PTDSS2: variants seen among roughly 807,000 people sequenced by gnomAD.
The protein encoded by PTDSS2 is phosphatidylserine synthase 2.
In PTDSS2, 41 loss-of-function variants were observed where a neutral mutation model predicts 64.7. That is an observed-to-expected ratio of 0.63 (90% CI 0.49 to 0.82). The LOEUF (loss-of-function observed/expected upper bound fraction) is 0.82. Ranked by LOEUF, PTDSS2 falls within the 40% of genes least tolerant of loss-of-function variation. PTDSS2 has a pLI of 0.00. For synonymous variants in PTDSS2, 297 were observed against 277.8 expected, an observed-to-expected ratio of 1.07 and a Z score of -0.69; for missense variants, 485 against 650.0, an observed-to-expected ratio of 0.75 and a Z score of 2.76.
upstream of PTDSS2, among the ~76,000 whole-genome samples, chr11:449,279 G>A (rs1347287125): frequency 6.6e-6 from 1 of 152,202 alleles, no homozygotes; most frequent in African/African-American, 2.4e-5. Flanking sequence ...CTTTGCCTAG[G>A]CTGGTCTCGA....
At chr11:474,889 G>GCGGACATATTCACACGTTCGTGTA (rs1564979089) in intron 3 of PTDSS2, among the ~76,000 whole-genome samples, 7 of 147,618 alleles carry the variant, frequency 4.7e-5, no homozygotes, top group Non-Finnish European at 1.0e-4. Context: ...GTTTGTGTGT[G>GCGGACATATTCACACGTTCGTGTA]CGGACATATT....
chr11:488,124 G>A, intron 6 of PTDSS2, 75 bp from the exon 7 acceptor site: 1 of 1,110,368 alleles, frequency 9.0e-7, no homozygotes, highest in South Asian at 1.3e-5. Flanking sequence ...CAGCCGGGGT[G>A]GGGGCTGCAC....
chr11:488,300 C>T lies in PTDSS2; in HGVS notation c.723C>T (p.Cys241=). 1.2e-6 allele frequency: 2 copies of T among 1,612,312 alleles called. No individual in the cohort carries two copies. Among genetic ancestry groups the T allele is most frequent in the Non-Finnish European group, 1.7e-6 (2 of 1,179,180 alleles). The change falls in exon 7 of 12, where the codon TGC becomes TGT. Residue 241 remains cysteine (C), a synonymous_variant. Transcript: ENST00000308020. ...ACCAGCTGCCCAACTTCAGCGAGTG[C>T]TGGTGGGATCACGTAGGTGCCAGCA... ...LEHQLPNFSE[C]WWDHWIMDVL...
At position 460,073 on chromosome 11, in the gene PTDSS2, A is replaced by G; in HGVS notation, c.183-114A>G. ...CAGCCAGTTGCTGGTTGGGAGTTGG[A>G]GAGTGGAGTTTAAGCCCTCTCCTTG... On this transcript the variant is annotated intron_variant, in intron 1 of 11. Transcript: ENST00000308020. The surrounding 1 kb of genome is among the most constrained non-coding windows in gnomAD (Gnocchi z 5.8). The G allele has an allele frequency of 2.6e-6, 2 of 769,714 alleles. No homozygotes were observed. Among genetic ancestry groups the G allele is most frequent in the East Asian group, 2.7e-5 (1 of 36,540 alleles). 47.7% of individuals were successfully genotyped at this position (769,714 alleles called of 1,614,324 possible). A position where few individuals can be genotyped will look rare whatever the true frequency, so the allele number is the denominator to read the frequency against.
intron 2 of PTDSS2, among the ~76,000 whole-genome samples, 173 bp from the exon 3 acceptor site, chr11:473,722 G>T (rs1239011552): frequency 6.6e-6 from 1 of 152,246 alleles, no homozygotes; most frequent in Admixed American, 6.5e-5. Context: ...GGGTGGTGGA[G>T]GTAGCTGGGC....
At chr11:450,716 C>T in intron 1 of PTDSS2, 79 bp downstream of exon 1, 1 of 1,151,698 alleles carries the variant, frequency 8.7e-7, no homozygotes, top group East Asian at 3.2e-5. Context: ...TGGGGGTCCC[C>T]GGCAGCGCCC....
Position 470,265 on chromosome 11 carries a change from G to A in PTDSS2, c.285-3630G>A, listed in dbSNP as rs1243486338. On this transcript the variant is annotated intron_variant, in intron 2 of 11. Transcript: ENST00000308020. This position sits in a 1 kb window ranked among gnomAD's most constrained non-coding sequence, Gnocchi z 5.3. ...TCATGTTCATGGCGTGGCCGACGGG[G>A]AGGCTGCTGCCCCATCCTCCCAACC... 2.6e-5 allele frequency among the ~76,000 whole-genome samples: 4 copies of A among 152,228 alleles called. No homozygotes were observed. The highest frequency in any genetic ancestry group is 9.6e-5 in the African/African-American group (4 of 41,458).
At chr11:451,369 C>T (rs1207990501) in intron 1 of PTDSS2, 1 of 446,670 alleles carries the variant, frequency 2.2e-6, no homozygotes, top group Admixed American at 2.4e-5. Context: ...CCAGGTGCCG[C>T]TCCTACTCCC....
intron 2 of PTDSS2, chr11:463,030 G>T (rs187276411): frequency 6.6e-6 from 1 of 151,810 alleles, no homozygotes; most frequent in Non-Finnish European, 1.5e-5. Flanking sequence ...AGCCGGGCGC[G>T]GTGGCTCATG....
chr11:487,103 C>T, intron 5 of PTDSS2, 30 bp downstream of exon 5: 1 of 1,599,078 alleles, frequency 6.3e-7, no homozygotes, highest in South Asian at 1.1e-5. Context: ...GAGGCGAGCC[C>T]CTCCCCAGGT....
rs767725181 is a variant in PTDSS2 at position 488,316 on chromosome 11, G to A, written c.735+4G>A. Reference sequence around the variant, plus strand: ...CAGCGAGTGCTGGTGGGATCACGTAGGTGCCAGCACAGCCCCCGGGGCAGT... The same window carrying A: ...CAGCGAGTGCTGGTGGGATCACGTAAGTGCCAGCACAGCCCCCGGGGCAGT... On this transcript the variant is annotated splice_donor_region_variant and intron_variant, in intron 7 of 11. Transcript: ENST00000308020. The A allele has an allele frequency of 3.7e-6, 6 of 1,608,164 alleles. No homozygotes were observed. In the South Asian group the frequency reaches 6.6e-5, roughly 18 times the overall value.
At chr11:449,067 C>CTTT (rs1564953000), upstream of PTDSS2, among the ~76,000 whole-genome samples, 3 of 79,828 alleles carry the variant, frequency 3.8e-5, no homozygotes, top group Non-Finnish European at 2.3e-5. Flanking sequence ...TTTCACCTAG[C>CTTT]ATTTTTTTTT....
intron 1 of PTDSS2, among the ~76,000 whole-genome samples, chr11:455,561 C>G (rs1037319347): frequency 2.0e-5 from 3 of 152,244 alleles, no homozygotes; most frequent in Non-Finnish European, 4.4e-5. Flanking sequence ...GAGACTGTCC[C>G]TGGCTCCTCC....
intron 3 of PTDSS2, among the ~76,000 whole-genome samples, chr11:474,355 G>A (rs534155378): frequency 6.7e-6 from 1 of 149,700 alleles, no homozygotes; most frequent in African/African-American, 2.5e-5. Flanking sequence ...CAGGGACTGT[G>A]GGCTCTAGGT....
At chr11:485,633 G>A (rs1848324394) in intron 4 of PTDSS2, among the ~76,000 whole-genome samples, 1 of 140,704 alleles carries the variant, frequency 7.1e-6, no homozygotes. Context: ...TGTAAACAGT[G>A]CACGGGCGCG....
rs774777160 is a variant in PTDSS2, at chr11:476,541, G to A, written c.368-2544G>A. 8.5e-5 allele frequency among the ~76,000 whole-genome samples: 13 copies of A among 152,118 alleles called. No individual in the cohort carries two copies. The highest frequency in any genetic ancestry group is 1.6e-4 in the Non-Finnish European group (11 of 68,012). On this transcript the variant is annotated intron_variant, in intron 3 of 11. Coordinates refer to ENST00000308020, the MANE Select transcript of PTDSS2 (RefSeq NM_030783.3). This position sits in a 1 kb window ranked among gnomAD's most constrained non-coding sequence, Gnocchi z 4.9. The stretch of plus-strand genomic sequence containing the variant: ...TGGCGGCATCACTGGGGACTGGGAC[G>A]CAGCCGTGAGTGGGACAGACTGGTC...
At chr11:467,992 C>T (rs556234899) in intron 2 of PTDSS2, among the ~76,000 whole-genome samples, 91 of 151,848 alleles carry the variant, frequency 6.0e-4, no homozygotes, top group African/African-American at 2.0e-3. Context: ...AAAACTTAGC[C>T]GAGTGTCACA....
At chr11:463,292 A>G (rs1390072602) in intron 2 of PTDSS2, 2 of 150,732 alleles carry the variant, frequency 1.3e-5, no homozygotes, top group Non-Finnish European at 3.0e-5. Context: ...CAGTGGTGTG[A>G]TCTCGGCTCA....
At chr11:474,890 C>T (rs563161803) in intron 3 of PTDSS2, among the ~76,000 whole-genome samples, 30 of 147,892 alleles carry the variant, frequency 2.0e-4, no homozygotes, top group African/African-American at 6.1e-4. Context: ...TTTGTGTGTG[C>T]GGACATATTC....
Sources: allele counts gnomAD v4.1 joint callset (sites outside exome capture counted in the v4.1 genomes callset), GRCh38; gene constraint gnomAD v4.1.1; non-coding constraint Gnocchi (gnomAD v3.1); transcripts MANE v1.5; gene names NCBI Gene and HGNC (gene_info 2026-07-23, HGNC 2026-07-21).